Variants in ADGRL2 observed in about 807,000 individuals in gnomAD.
The protein encoded by ADGRL2 is calcium-independent alpha-latrotoxin receptor 2.
A neutral mutation model predicts 157.4 loss-of-function variants in ADGRL2; 44 were observed. The ratio of observed to expected loss-of-function variants is 0.28; its 90% CI spans 0.22 to 0.36. The LOEUF is 0.36. Among genes scored for constraint, ADGRL2 ranks in the 10% least tolerant of loss-of-function variants. The pLI is 1.00. For synonymous variants in ADGRL2, 585 were observed against 624.7 expected (o/e 0.94, Z 0.95); for missense variants, 1,510 against 1,768.9 (o/e 0.85, Z 2.63).
chr1:81,806,554 A>C (rs1367085906), intron 1 of ADGRL2, among the ~76,000 whole-genome samples: 1 of 152,066 alleles, frequency 6.6e-6, no homozygotes, highest in African/African-American at 2.4e-5. Flanking sequence ...TTGAGATGTC[A>C]TGAAGGTCAA....
At chr1:81,525,676 G>T (rs1185628239) in intron 2 of ADGRL2, among the ~76,000 whole-genome samples, 3 of 152,088 alleles carry the variant, frequency 2.0e-5, no homozygotes. Flanking sequence ...ATTTTCAGTG[G>T]TATCGTGTTG....
rs991396075 is a variant in ADGRL2 at position 81,934,390 on chromosome 1, G to A, written c.288-2338G>A. Among the ~76,000 whole-genome samples, 5 of 152,040 alleles carry A rather than the reference G, an allele frequency of 3.3e-5. No homozygotes were observed. The South Asian group carries it at 1.0e-3, about 31-fold the overall frequency. ...TGACATTGAGAAACATACAGTAAAAGATCTCTAAGCCTGTACTAGTTATAT... is the reference window on the plus strand; with the variant it reads ...TGACATTGAGAAACATACAGTAAAAAATCTCTAAGCCTGTACTAGTTATAT... On this transcript the variant is annotated intron_variant, in intron 3 of 23. Coordinates refer to ENST00000686636, the MANE Select transcript of ADGRL2 (RefSeq NM_001366006.2).
upstream of ADGRL2, among the ~76,000 whole-genome samples, chr1:81,699,404 C>A (rs2083512415): frequency 6.6e-6 from 1 of 152,198 alleles, no homozygotes; most frequent in Non-Finnish European, 1.5e-5. Flanking sequence ...TTGTGTACTA[C>A]AATGACGGTG....
intron 1 of ADGRL2, among the ~76,000 whole-genome samples, chr1:81,318,552 G>A (rs757994580): frequency 2.6e-5 from 4 of 152,064 alleles, no homozygotes; most frequent in Non-Finnish European, 5.9e-5. Flanking sequence ...CAGCCTATAG[G>A]CACATAAAGT....
At position 81,462,412 on chromosome 1, in the gene ADGRL2, C is replaced by T. The variant is rs192094166; in HGVS notation, c.-248+17323C>T. Among the ~76,000 whole-genome samples the T allele has an allele frequency of 4.0e-5, 6 of 149,106 alleles. No individual in the cohort carries two copies. In the East Asian group the frequency reaches 1.2e-3, roughly 31 times the overall value. ...CACATTTAAGAGCTGTAACACTCAC[C>T]GTGAGGGTCTGTGGCTTCATTCTTG... On this transcript the variant is annotated intron_variant, in intron 2 of 24. Transcript: ENST00000370721.
chr1:81,697,325 C>T (rs1188791933), upstream of ADGRL2, among the ~76,000 whole-genome samples: 2 of 152,284 alleles, frequency 1.3e-5, no homozygotes, highest in East Asian at 3.9e-4. Flanking sequence ...ACATAAAGTG[C>T]TCTTTACTCC....
intron 2 of ADGRL2, among the ~76,000 whole-genome samples, chr1:81,469,104 C>T (rs1557712644): frequency 6.6e-6 from 1 of 152,182 alleles, no homozygotes. Flanking sequence ...CTCACACTTT[C>T]CTGCAATTGG....
chr1:81,862,476 A>G (rs2093418790), intron 2 of ADGRL2, among the ~76,000 whole-genome samples: 2 of 152,214 alleles, frequency 1.3e-5, no homozygotes, highest in Non-Finnish European at 2.9e-5. Context: ...GATATCTAAT[A>G]TTAAGATAAC....
intron 1 of ADGRL2, among the ~76,000 whole-genome samples, chr1:81,343,713 A>C (rs1446379077): frequency 6.6e-6 from 1 of 152,008 alleles, no homozygotes; most frequent in Admixed American, 6.6e-5. Context: ...TGACAGAGAG[A>C]GAGAGAGAAA....
chr1:81,379,671 C>G (rs2076310833), intron 1 of ADGRL2, among the ~76,000 whole-genome samples: 1 of 152,150 alleles, frequency 6.6e-6, no homozygotes, highest in Non-Finnish European at 1.5e-5. Context: ...ATGCTGGCGT[C>G]TGTCCGTGTG....
chr1:81,679,920 C>G (rs1323689586), intron 3 of ADGRL2, among the ~76,000 whole-genome samples: 1 of 152,158 alleles, frequency 6.6e-6, no homozygotes, highest in Non-Finnish European at 1.5e-5. Context: ...AAGAGCATTT[C>G]TTTCAGTCTT....
intron 1 of ADGRL2, among the ~76,000 whole-genome samples, chr1:81,399,463 T>C (rs998726944): frequency 2.6e-5 from 4 of 152,306 alleles, no homozygotes; most frequent in South Asian, 2.1e-4. Flanking sequence ...GTGGGCTTTC[T>C]TCACTACTAT....
At chr1:81,405,731 C>T (rs1253946918) in intron 1 of ADGRL2, among the ~76,000 whole-genome samples, 1 of 151,664 alleles carries the variant, frequency 6.6e-6, no homozygotes, top group African/African-American at 2.4e-5. Context: ...TTTCATAAGG[C>T]CTCTTATTTT....
chr1:81,869,046 T>C (rs1001330147), intron 2 of ADGRL2, among the ~76,000 whole-genome samples: 1 of 152,020 alleles, frequency 6.6e-6, no homozygotes, highest in Admixed American at 6.6e-5. Context: ...GTAAAGAAAA[T>C]AGTTTAGAGA....
At chr1:81,433,643 C>A (rs2077361192) in intron 1 of ADGRL2, among the ~76,000 whole-genome samples, 1 of 152,222 alleles carries the variant, frequency 6.6e-6, no homozygotes, top group African/African-American at 2.4e-5. Flanking sequence ...TTTAACCCTT[C>A]TTTCCCTTGG....
intron 2 of ADGRL2, among the ~76,000 whole-genome samples, chr1:81,872,664 T>A (rs2093729656): frequency 6.6e-6 from 1 of 152,102 alleles, no homozygotes; most frequent in East Asian, 1.9e-4. Context: ...GAAGGAGGCA[T>A]ATGCCCTTGG....
rs1006318683 is a variant in ADGRL2 at position 81,575,204 on chromosome 1, G to T, written c.-247-5672G>T. Among the ~76,000 whole-genome samples the T allele has an allele frequency of 3.9e-5, 6 of 152,156 alleles. No homozygotes were observed. The East Asian group carries it at 5.8e-4, about 15-fold the overall frequency. ...AATGTTTCGTGTCTTCCCCCATGCC[G>T]GTTTAAAAACTGCAGGAGCTATAGT... On this transcript the variant is annotated intron_variant, in intron 2 of 24. Transcript: ENST00000370721.
chr1:81,356,952 CAA>C lies in ADGRL2; in HGVS notation c.-302+50463_-302+50464del, dbSNP rs757239865. Among the ~76,000 whole-genome samples the C allele has an allele frequency of 1.5e-3, 86 of 55,676 alleles. 1 individual carries two copies. Among genetic ancestry groups the C allele is most frequent in the African/African-American group, 4.0e-3 (55 of 13,598 alleles). 36.5% of individuals were successfully genotyped at this position (55,676 alleles called of 152,430 possible). A position where few individuals can be genotyped will look rare whatever the true frequency, so the allele number is the denominator to read the frequency against. Reference sequence around the variant, plus strand: ...TGGGGGACAAAATGAGACTCCGTCTCAAAAAAAAAAAAAAAAAAAAAGAAGTT... The same window carrying C: ...TGGGGGACAAAATGAGACTCCGTCTCAAAAAAAAAAAAAAAAAAAGAAGTT... On this transcript the variant is annotated intron_variant, in intron 1 of 24. Transcript: ENST00000370721.
intron 1 of ADGRL2, among the ~76,000 whole-genome samples, chr1:81,825,232 G>A (rs2149961363): frequency 6.6e-6 from 1 of 152,136 alleles, no homozygotes; most frequent in East Asian, 1.9e-4. Context: ...TGTTGTAGTG[G>A]GTATGTCTGT....
Sources: allele counts gnomAD v4.1 joint callset (sites outside exome capture counted in the v4.1 genomes callset), GRCh38; gene constraint gnomAD v4.1.1; transcripts MANE v1.5; gene names NCBI Gene and HGNC (gene_info 2026-07-23, HGNC 2026-07-21).